The following CACNB2 variants were observed in gnomAD, a reference collection of about 807,000 sequenced individuals.
The protein encoded by CACNB2 is voltage-dependent L-type calcium channel subunit beta-2.
CACNB2 carries 42 observed loss-of-function variants against 73.3 expected under a neutral mutation model. The ratio of observed to expected loss-of-function variants is 0.57; its 90% CI spans 0.45 to 0.74. The LOEUF (loss-of-function observed/expected upper bound fraction) is 0.74. Ranked by LOEUF, CACNB2 falls within the 30% of genes least tolerant of loss-of-function variation. The pLI is 0.00. For synonymous variants in CACNB2, 348 were observed against 310.3 expected (o/e 1.12, Z -1.28); for missense variants, 940 against 853.0 (o/e 1.10, Z -1.27).
At chr10:18,273,645 T>C (rs2038151328) in intron 2 of CACNB2, among the ~76,000 whole-genome samples, 1 of 152,186 alleles carries the variant, frequency 6.6e-6, no homozygotes, top group African/African-American at 2.4e-5. Flanking sequence ...CAGAATTGCC[T>C]TTCCAGTAGG....
intron 2 of CACNB2, among the ~76,000 whole-genome samples, chr10:18,387,025 T>TATA (rs1390053900): frequency 6.6e-6 from 1 of 152,210 alleles, no homozygotes; most frequent in African/African-American, 2.4e-5. Context: ...AATCACGGTG[T>TATA]ATAATACTTC....
At chr10:18,513,101 C>CT (rs71402179) in intron 6 of CACNB2, 1,860 of 114,386 alleles carry the variant, frequency 0.016, 40 homozygotes, top group Middle Eastern at 0.03. Context: ...TGACCATAAC[C>CT]TTTTTTTTTT....
At chr10:18,492,619 T>TTA (rs2049507969) in intron 3 of CACNB2, among the ~76,000 whole-genome samples, 8 of 15,354 alleles carry the variant, frequency 5.2e-4, no homozygotes. Context: ...AGACTCTGTC[T>TTA]CAAAAAAAAA....
chr10:18,503,023 G>T (rs1462511893), intron 5 of CACNB2, among the ~76,000 whole-genome samples: 2 of 152,076 alleles, frequency 1.3e-5, no homozygotes. Context: ...ACTTTACTCT[G>T]AATTAAGTTA....
intron 2 of CACNB2, among the ~76,000 whole-genome samples, chr10:18,232,345 G>A (rs906478059): frequency 6.6e-6 from 1 of 152,138 alleles, no homozygotes; most frequent in African/African-American, 2.4e-5. Flanking sequence ...AAGAAGCCAA[G>A]TAATTTGTTC....
intron 7 of CACNB2, 172 bp downstream of exon 7, chr10:18,514,541 AT>A: frequency 6.2e-7 from 1 of 1,613,742 alleles, no homozygotes; most frequent in South Asian, 1.1e-5. Flanking sequence ...GTAAGTTTAC[AT>A]TGACATAAGC....
At chr10:18,436,832 A>G (rs1442903147) in intron 3 of CACNB2, among the ~76,000 whole-genome samples, 3 of 152,224 alleles carry the variant, frequency 2.0e-5, no homozygotes, top group Non-Finnish European at 4.4e-5. Context: ...AGATTGCCAC[A>G]TATGCCTGAA....
At chr10:18,492,652 GAAAAGAA>G (rs1165180518) in intron 3 of CACNB2, among the ~76,000 whole-genome samples, 5 of 144,978 alleles carry the variant, frequency 3.4e-5, no homozygotes, top group Admixed American at 1.4e-4. Flanking sequence ...AAAAAGAAAA[GAAAAGAA>G]AAAAGAAAAT....
chr10:18,224,338 C>CAAAAAAAAA (rs34912280), intron 2 of CACNB2: 3 of 145,712 alleles, frequency 2.1e-5, no homozygotes, highest in Admixed American at 2.1e-4. Context: ...CTTCTCCCTT[C>CAAAAAAAAA]AAAAAAAAAA....
chr10:18,150,426 G>T (rs568606192), intron 1 of CACNB2, among the ~76,000 whole-genome samples: 11 of 152,222 alleles, frequency 7.2e-5, no homozygotes, highest in Non-Finnish European at 1.3e-4. Flanking sequence ...CACTTTGGGA[G>T]GCCAAGGCGG....
rs74121235 is a variant in CACNB2 at position 18,451,992 on chromosome 10, C to T, written c.334-46363C>T. Among the ~76,000 whole-genome samples the T allele has an allele frequency of 9.3e-3, 1,411 of 152,316 alleles. 20 individuals carry two copies. The highest frequency in any genetic ancestry group is 0.032 in the African/African-American group (1,326 of 41,576). On this transcript the variant is annotated intron_variant, in intron 3 of 13. Coordinates refer to ENST00000324631, the MANE Select transcript of CACNB2 (RefSeq NM_201596.3). ...GGGTAAAAGAGGTGACCCAACCTCC[C>T]ATCTGGCTGTATTCCCCTTGCACAC...
At chr10:18,230,167 G>A (rs549829240) in intron 2 of CACNB2, among the ~76,000 whole-genome samples, 1 of 152,186 alleles carries the variant, frequency 6.6e-6, no homozygotes, top group South Asian at 2.1e-4. Context: ...TTAGAATGAG[G>A]GAGACAGAGA....
intron 1 of CACNB2, chr10:18,141,106 G>C: frequency 1.3e-6 from 2 of 1,549,458 alleles, no homozygotes; most frequent in Non-Finnish European, 1.7e-6. Context: ...AGACCTGCCA[G>C]TCCTCCCAGA....
intron 3 of CACNB2, among the ~76,000 whole-genome samples, chr10:18,462,260 G>C (rs1259925960): frequency 1.3e-5 from 2 of 152,098 alleles, no homozygotes; most frequent in Non-Finnish European, 2.9e-5. Context: ...CTGGTTGGTT[G>C]ATTGATTGAT....
intron 2 of CACNB2, among the ~76,000 whole-genome samples, chr10:18,178,149 C>T (rs1480651248): frequency 2.0e-5 from 3 of 152,052 alleles, no homozygotes; most frequent in South Asian, 2.1e-4. Context: ...GAGTTGAATT[C>T]GGGTAATGTA....
At chr10:18,435,643 C>T (rs1401427837) in intron 3 of CACNB2, among the ~76,000 whole-genome samples, 1 of 152,016 alleles carries the variant, frequency 6.6e-6, no homozygotes, top group Non-Finnish European at 1.5e-5. Context: ...AGACTACAGG[C>T]ACACACTACC....
chr10:18,483,919 A>G (rs994130034), intron 3 of CACNB2, among the ~76,000 whole-genome samples: 6 of 152,224 alleles, frequency 3.9e-5, no homozygotes, highest in African/African-American at 1.4e-4. Flanking sequence ...GCCACAGAAT[A>G]CAATTACTGA....
intron 2 of CACNB2, among the ~76,000 whole-genome samples, chr10:18,379,805 G>C (rs1431109095): frequency 6.6e-6 from 1 of 152,090 alleles, no homozygotes. Context: ...TCCCATCTCA[G>C]CCTCCCAAGT....
chr10:18,158,322 A>T (rs1395212025), intron 2 of CACNB2, among the ~76,000 whole-genome samples: 1 of 152,190 alleles, frequency 6.6e-6, no homozygotes, highest in African/African-American at 2.4e-5. Flanking sequence ...TCATAATTTT[A>T]ATTTATTACG....
Sources: allele counts gnomAD v4.1 joint callset (sites outside exome capture counted in the v4.1 genomes callset), GRCh38; gene constraint gnomAD v4.1.1; transcripts MANE v1.5; gene names NCBI Gene and HGNC (gene_info 2026-07-23, HGNC 2026-07-21).